ZC3H14: variants seen among roughly 807,000 people sequenced by gnomAD.
ZC3H14 encodes the protein zinc finger CCCH-type containing 14.
A neutral mutation model predicts 92.4 loss-of-function variants in ZC3H14; 31 were observed. That is an observed-to-expected ratio of 0.34 (90% confidence interval 0.25 to 0.45). ZC3H14 has a LOEUF of 0.45. Among genes scored for constraint, ZC3H14 ranks in the 20% least tolerant of loss-of-function variants. The pLI is 1.00. For missense variants in ZC3H14, 781 were observed against 897.3 expected (o/e 0.87, Z 1.66); for synonymous variants, 321 against 300.9 (o/e 1.07, Z -0.69).
rs756219521 is a variant in ZC3H14 at position 88,574,757 on chromosome 14, A to G, written c.926A>G (p.Asn309Ser). 2.1e-5 allele frequency: 34 copies of G among 1,614,164 alleles called. No homozygotes were observed. Among genetic ancestry groups the G allele is most frequent in the South Asian group, 4.4e-5 (4 of 91,084 alleles). ...TCAGTTGTTAAAGTAAAAAAATTCA[A>G]TCATGATGGAGAAGAGGAGGAAGAA... ...VSSVVKVKKFNHDGEEEEEDD... is the reference protein window; with the variant it reads ...VSSVVKVKKFSHDGEEEEEDD... The change falls in exon 7 of 17, where the codon AAT becomes AGT. Residue 309 changes from asparagine to serine, a missense_variant. Physicochemically the swap from Asn to Ser is conservative, Grantham distance 46. Around this residue, in one of 3 missense-constraint regions of ZC3H14, gnomAD observed 454 missense variants for 438.5 expected, o/e 1.04. Transcript: ENST00000251038.
intron 9 of ZC3H14, among the ~76,000 whole-genome samples, chr14:88,581,338 C>T (rs895703916): frequency 3.2e-4 from 48 of 152,214 alleles, no homozygotes; most frequent in African/African-American, 1.1e-3. Context: ...GTGGGCAGAT[C>T]ACCTGAGGTC....
chr14:88,605,568 A>C (rs528738494), intron 12 of ZC3H14, among the ~76,000 whole-genome samples: 1 of 152,336 alleles, frequency 6.6e-6, no homozygotes, highest in South Asian at 2.1e-4. Flanking sequence ...TCCTGAGCTC[A>C]AGTGATCTGC....
intron 10 of ZC3H14, 65 bp downstream of exon 10, chr14:88,596,873 C>T (rs2083905853): frequency 7.5e-7 from 1 of 1,337,624 alleles, no homozygotes; most frequent in Non-Finnish European, 1.1e-6. Context: ...TTTCTTACAC[C>T]CCATTTAACG....
chr14:88,573,917 C>G (rs967231150), intron 6 of ZC3H14, among the ~76,000 whole-genome samples: 17 of 152,116 alleles, frequency 1.1e-4, no homozygotes, highest in African/African-American at 3.4e-4. Context: ...GCGCCTGGCC[C>G]CAAGTTTATT....
In ZC3H14 at chr14:88,618,902, A is replaced by G; in HGVS notation, c.*7151A>G. 1 of 1,365,232 alleles carries G rather than the reference A, an allele frequency of 7.3e-7. No homozygotes were observed. Among genetic ancestry groups the G allele is most frequent in the Non-Finnish European group, 9.8e-7 (1 of 1,023,348 alleles). 84.6% of individuals were successfully genotyped at this position (1,365,232 alleles called of 1,614,324 possible). A position where few individuals can be genotyped will look rare whatever the true frequency, so the allele number is the denominator to read the frequency against. ...TGACTTTTCCTTTCTAGTTCTTAAA[A>G]GTAACGTGTGATAAGGCCTCAAATA... On this transcript the variant is annotated 3_prime_UTR_variant, in exon 17 of 17. Coordinates refer to ENST00000251038, the MANE Select transcript of ZC3H14 (RefSeq NM_024824.5).
intron 11 of ZC3H14, 138 bp downstream of exon 11, chr14:88,602,221 ATAGT>A (rs1347574192): frequency 8.8e-7 from 1 of 1,139,084 alleles, no homozygotes; most frequent in Non-Finnish European, 1.3e-6. Flanking sequence ...TAGCCCATGA[ATAGT>A]TAGCCAAATT....
intron 2 of ZC3H14, 124 bp from the exon 3 acceptor site, chr14:88,567,915 A>T (rs763301681): frequency 1.0e-5 from 8 of 781,946 alleles, no homozygotes; most frequent in Non-Finnish European, 1.8e-5. Context: ...ATCTTGTCCA[A>T]TGTAATTCCA....
In ZC3H14 at chr14:88,618,580, A is replaced by T; in HGVS notation, c.*6829A>T. 6.6e-7 allele frequency: 1 copy of T among 1,512,536 alleles called. No homozygotes were observed. 93.7% of individuals were successfully genotyped at this position (1,512,536 alleles called of 1,614,324 possible). A position where few individuals can be genotyped will look rare whatever the true frequency, so the allele number is the denominator to read the frequency against. The stretch of plus-strand genomic sequence containing the variant: ...GAGCTCTGGAGCTCAGGAACTTTAA[A>T]TGCATTCACTAACACGAAATGTAAA... On this transcript the variant is annotated 3_prime_UTR_variant, in exon 17 of 17. Coordinates refer to ENST00000251038, the MANE Select transcript of ZC3H14 (RefSeq NM_024824.5).
chr14:88,616,343 G>T lies in ZC3H14; in HGVS notation c.*4592G>T. ...CTCTATGACAAGAGCTGTGGAGAGAGTAGGGAGTTAGCACCGCAGCCAGTG... is the reference window on the plus strand; with the variant it reads ...CTCTATGACAAGAGCTGTGGAGAGATTAGGGAGTTAGCACCGCAGCCAGTG... On this transcript the variant is annotated 3_prime_UTR_variant, in exon 17 of 17. Transcript: ENST00000251038. 2.5e-6 allele frequency: 3 copies of T among 1,180,558 alleles called. No individual in the cohort carries two copies. Among genetic ancestry groups the T allele is most frequent in the African/African-American group, 1.5e-5 (1 of 66,342 alleles). 73.1% of individuals were successfully genotyped at this position (1,180,558 alleles called of 1,614,324 possible). A position where few individuals can be genotyped will look rare whatever the true frequency, so the allele number is the denominator to read the frequency against.
In ZC3H14 at chr14:88,622,109, C is replaced by T. The variant is rs2089102777; in HGVS notation, c.*10358C>T. Reference sequence around the variant, plus strand: ...GGGATCAACTTTTTTAGTTTCTGCACAGGAGTGAGAACATGTATTTATCTT... The same window carrying T: ...GGGATCAACTTTTTTAGTTTCTGCATAGGAGTGAGAACATGTATTTATCTT... On this transcript the variant is annotated 3_prime_UTR_variant, in exon 17 of 17. Transcript: ENST00000251038. The T allele has an allele frequency of 4.1e-6, 1 of 243,794 alleles. No individual in the cohort carries two copies. The highest frequency in any genetic ancestry group is 5.0e-5 in the South Asian group (1 of 19,954). 15.1% of individuals were successfully genotyped at this position (243,794 alleles called of 1,614,324 possible).
At chr14:88,574,625 A>T (rs2080926057) in intron 6 of ZC3H14, 68 bp from the exon 7 acceptor site, 1 of 1,583,222 alleles carries the variant, frequency 6.3e-7, no homozygotes, top group African/African-American at 1.3e-5. Flanking sequence ...CTTAAAATGG[A>T]AACATTTTGT....
chr14:88,617,025 C>A lies in ZC3H14; in HGVS notation c.*5274C>A, dbSNP rs959946928. ...TAAATTATGGTAAGTTGTTTGGAGA[C>A]CTGAATTTCATCAGGATATCAACTC... On this transcript the variant is annotated 3_prime_UTR_variant, in exon 17 of 17. Coordinates refer to ENST00000251038, the MANE Select transcript of ZC3H14 (RefSeq NM_024824.5). The A allele has an allele frequency of 4.9e-6, 3 of 615,622 alleles. No individual in the cohort carries two copies. The highest frequency in any genetic ancestry group is 7.9e-6 in the Non-Finnish European group (3 of 379,506). 38.1% of individuals were successfully genotyped at this position (615,622 alleles called of 1,614,324 possible). A position where few individuals can be genotyped will look rare whatever the true frequency, so the allele number is the denominator to read the frequency against.
chr14:88,565,104 T>A (rs1361559755), intron 2 of ZC3H14, among the ~76,000 whole-genome samples: 1 of 152,146 alleles, frequency 6.6e-6, no homozygotes, highest in Non-Finnish European at 1.5e-5. Flanking sequence ...ACTTAAAAAA[T>A]TTCTGATTAA....
At position 88,609,248 on chromosome 14, in the gene ZC3H14, CTTTTT is replaced by C. The variant is rs377299958; in HGVS notation, c.1869-14_1869-10del. 14 of 1,605,394 alleles carry C rather than the reference CTTTTT, an allele frequency of 8.7e-6. No homozygotes were observed. The Admixed American group carries it at 1.5e-4, about 17-fold the overall frequency. On this transcript the variant is annotated splice_polypyrimidine_tract_variant and intron_variant, in intron 13 of 16. Transcript: ENST00000251038. Reference sequence around the variant, plus strand: ...TTGAGAAGATTGAATATGAAATATGCTTTTTTTTTGTTTTGTAGAGCCTTCCCCAA... The same window carrying C: ...TTGAGAAGATTGAATATGAAATATGCTTTTGTTTTGTAGAGCCTTCCCCAA...
rs34408574 is a variant in ZC3H14 at position 88,606,747 on chromosome 14, TA to T, written c.1748-473del. Reference sequence around the variant, plus strand: ...TGGGTGACAGAGCAGGACCCTGTCGTAAAAAAAAAAAAAAAAAAAAAAAGTA... The same window carrying T: ...TGGGTGACAGAGCAGGACCCTGTCGTAAAAAAAAAAAAAAAAAAAAAAGTA... On this transcript the variant is annotated intron_variant, in intron 12 of 16. Coordinates refer to ENST00000251038, the MANE Select transcript of ZC3H14 (RefSeq NM_024824.5). 5.9e-3 allele frequency among the ~76,000 whole-genome samples: 566 copies of T among 95,868 alleles called. 6 individuals are homozygous for T. The highest frequency in any genetic ancestry group is 0.019 in the African/African-American group (449 of 24,210). The allele number at this position is 95,868 out of a possible 152,430, so 62.9% of individuals were successfully genotyped here. A position where few individuals can be genotyped will look rare whatever the true frequency, so the allele number is the denominator to read the frequency against.
rs202178145 is a variant in ZC3H14 at position 88,604,556 on chromosome 14, T to TAGTG, written c.1747+1496_1747+1497insAGTG. Among the ~76,000 whole-genome samples the TAGTG allele has an allele frequency of 6.3e-3, 962 of 152,028 alleles. 5 individuals carry two copies. Among genetic ancestry groups the TAGTG allele is most frequent in the Middle Eastern group, 0.014 (4 of 294 alleles). ...CTGTTTTAACCTGCTGTCTTTTCAC[T>TAGTG]CACTGTCATATGGCAGCACAGATTT... On this transcript the variant is annotated intron_variant, in intron 12 of 16. Coordinates refer to ENST00000251038, the MANE Select transcript of ZC3H14 (RefSeq NM_024824.5).
intron 7 of ZC3H14, among the ~76,000 whole-genome samples, chr14:88,575,518 C>T (rs550183112): frequency 1.3e-5 from 2 of 152,062 alleles, no homozygotes; most frequent in African/African-American, 4.8e-5. Context: ...TGTAATGAGT[C>T]TTTGTCTCTT....
chr14:88,579,224 G>A (rs2081579099), intron 9 of ZC3H14, among the ~76,000 whole-genome samples: 1 of 152,044 alleles, frequency 6.6e-6, no homozygotes, highest in Non-Finnish European at 1.5e-5. Context: ...TGTCAATTCT[G>A]TATTTGTTTC....
chr14:88,618,031 T>C lies in ZC3H14; in HGVS notation c.*6280T>C, dbSNP rs533711084. 1 of 373,516 alleles carries C rather than the reference T, an allele frequency of 2.7e-6. No homozygotes were observed. The highest frequency in any genetic ancestry group is 4.7e-6 in the Non-Finnish European group (1 of 210,952). 23.1% of individuals were successfully genotyped at this position (373,516 alleles called of 1,614,324 possible). ...TTCCTTAAAAAAAAAACTTGATAAATCATGGAAACTGATAAAACATGGAAA... is the reference window on the plus strand; with the variant it reads ...TTCCTTAAAAAAAAAACTTGATAAACCATGGAAACTGATAAAACATGGAAA... On this transcript the variant is annotated 3_prime_UTR_variant, in exon 17 of 17. Transcript: ENST00000251038.
Sources: gnomAD v4.1 joint callset for allele counts (sites outside exome capture counted in the v4.1 genomes callset) on GRCh38, gnomAD v4.1.1 for gene constraint, gnomAD v4.1.1 regional missense constraint, MANE v1.5 for transcripts, NCBI Gene and HGNC (gene_info 2026-07-23, HGNC 2026-07-21) for gene names.